AQR: variants seen among roughly 807,000 people sequenced by gnomAD.
AQR encodes aquarius intron-binding spliceosomal factor, also known as RNA helicase aquarius.
A neutral mutation model predicts 180.5 loss-of-function variants in AQR; 61 were observed. That is an observed-to-expected ratio of 0.34 (90% confidence interval 0.28 to 0.42). The LOEUF (loss-of-function observed/expected upper bound fraction) is 0.42, where lower values mean the gene tolerates loss of function less well. Among genes scored for constraint, AQR ranks in the 10% least tolerant of loss-of-function variants. The probability of loss-of-function intolerance (pLI) is 1.00; values close to 1 mark genes in which losing one functional copy is unlikely to be tolerated. For synonymous variants in AQR, 551 were observed against 588.8 expected, an observed-to-expected ratio of 0.94 and a Z score of 0.93; for missense variants, 1,281 against 1,798.3, an observed-to-expected ratio of 0.71 and a Z score of 5.20.
rs35327798 is a variant in AQR, at chr15:34,854,155, GAAAAAAAAA to G, written c.*2628_*2636del. 7.6e-6 allele frequency: 1 copy of G among 130,788 alleles called. No homozygotes were observed. The highest frequency in any genetic ancestry group is 2.4e-4 in the East Asian group (1 of 4,236). The allele number at this position is 130,788 out of a possible 1,614,324, so 8.1% of individuals were successfully genotyped here. A position where few individuals can be genotyped will look rare whatever the true frequency, so the allele number is the denominator to read the frequency against. ...ATGAACTTTCTTAACTCAGAATTTTGAAAAAAAAAAAAAAAAAAGAAGAAGAAATTCTAA... is the reference window on the plus strand; with the variant it reads ...ATGAACTTTCTTAACTCAGAATTTTGAAAAAAAAAGAAGAAGAAATTCTAA... On this transcript the variant is annotated 3_prime_UTR_variant, in exon 35 of 35. Transcript: ENST00000156471.
At chr15:34,954,163 C>T (rs1401166360) in intron 3 of AQR, among the ~76,000 whole-genome samples, 2 of 152,166 alleles carry the variant, frequency 1.3e-5, no homozygotes, top group Non-Finnish European at 2.9e-5. Flanking sequence ...GTGATCCACC[C>T]ACCTCAGCCT....
intron 3 of AQR, among the ~76,000 whole-genome samples, chr15:34,953,848 G>A (rs28444764): frequency 0.05 from 7,590 of 152,280 alleles, 277 homozygotes; most frequent in African/African-American, 0.1. Flanking sequence ...TGGCTCATAA[G>A]ATAGAATACC....
chr15:34,902,784 T>G lies in AQR; in HGVS notation c.2001+1552A>C, dbSNP rs568224322. Among the ~76,000 whole-genome samples, 4 of 152,242 alleles carry G rather than the reference T, an allele frequency of 2.6e-5. No homozygotes were observed. In the East Asian group the frequency reaches 7.7e-4, roughly 29 times the overall value. ...AGGTACTATAAAACTTGGAAACTCT[T>G]AGATTTCTCCATCCTTCGATCACTC... On this transcript the variant is annotated intron_variant, in intron 19 of 34. Transcript: ENST00000156471.
chr15:34,930,404 T>A lies in AQR; in HGVS notation c.901-33A>T. The A allele has an allele frequency of 2.4e-6, 3 of 1,245,642 alleles. No homozygotes were observed. The South Asian group carries it at 3.6e-5, about 15-fold the overall frequency. The allele number at this position is 1,245,642 out of a possible 1,614,324, so 77.2% of individuals were successfully genotyped here. A position where few individuals can be genotyped will look rare whatever the true frequency, so the allele number is the denominator to read the frequency against. ...AACACATTTACATGTATAAATCATA[T>A]GAACATAAGGGCAAGAAAGCACAAT... On this transcript the variant is annotated intron_variant, in intron 11 of 34. Transcript: ENST00000156471.
At chr15:34,963,234 C>T (rs1375357273) in intron 2 of AQR, among the ~76,000 whole-genome samples, 1 of 152,172 alleles carries the variant, frequency 6.6e-6, no homozygotes, top group Non-Finnish European at 1.5e-5. Flanking sequence ...CCTCTTTGAT[C>T]TCCCAAAGCA....
At chr15:34,867,433 A>G in intron 32 of AQR, 91 bp downstream of exon 32, 1 of 1,148,658 alleles carries the variant, frequency 8.7e-7, no homozygotes, top group Non-Finnish European at 1.3e-6. Context: ...GTTTAAACTT[A>G]AAAAATATTT....
At chr15:34,944,224 TC>T in intron 6 of AQR, 63 bp downstream of exon 6, 1 of 1,459,036 alleles carries the variant, frequency 6.9e-7, no homozygotes, top group Non-Finnish European at 9.2e-7. Context: ...GGTAATTTCA[TC>T]TAAACTCAAC....
At chr15:34,948,154 T>C (rs1262796644) in intron 5 of AQR, 110 bp downstream of exon 5, 12 of 1,227,420 alleles carry the variant, frequency 9.8e-6, no homozygotes, top group South Asian at 2.2e-5. Flanking sequence ...TTTGCTTTAT[T>C]ACTGGGTAAA....
chr15:34,870,146 CCT>C (rs1409024509), intron 31 of AQR: 6 of 149,598 alleles, frequency 4.0e-5, no homozygotes, highest in Middle Eastern at 3.4e-3. Flanking sequence ...TAGTTTGTCC[CCT>C]CTTTTTCTCA....
chr15:34,933,946 C>A (rs1002330933), intron 10 of AQR, among the ~76,000 whole-genome samples: 1 of 152,062 alleles, frequency 6.6e-6, no homozygotes, highest in Non-Finnish European at 1.5e-5. Flanking sequence ...TATGGTGAAA[C>A]CCCGTCTCTA....
chr15:34,897,760 C>T (rs1893271044), intron 20 of AQR, 55 bp from the exon 21 acceptor site: 1 of 1,577,852 alleles, frequency 6.3e-7, no homozygotes, highest in Non-Finnish European at 8.7e-7. Flanking sequence ...TTACTGAGTA[C>T]CTATCTGGTG....
chr15:34,899,354 A>AATTT (rs1893295928), intron 20 of AQR, among the ~76,000 whole-genome samples: 1 of 152,036 alleles, frequency 6.6e-6, no homozygotes, highest in African/African-American at 2.4e-5. Flanking sequence ...TGGGTGTATA[A>AATTT]AGGATACGTA....
intron 30 of AQR, among the ~76,000 whole-genome samples, chr15:34,872,540 A>G (rs565929160): frequency 3.3e-5 from 5 of 152,300 alleles, no homozygotes; most frequent in African/African-American, 1.2e-4. Context: ...TATGTAATGA[A>G]AACATCAGTT....
chr15:34,938,765 G>A lies in AQR; in HGVS notation c.690C>T (p.Ile230=). 6.2e-7 allele frequency: 1 copy of A among 1,608,992 alleles called. No individual in the cohort carries two copies. Among genetic ancestry groups the A allele is most frequent in the Non-Finnish European group, 8.5e-7 (1 of 1,176,244 alleles). The change falls in exon 9 of 35, where the codon ATC becomes ATT. Residue 230 remains isoleucine (I), a synonymous_variant. Transcript: ENST00000156471. ...RFLSQLIQKF[I]SVLKSVPLSE... ...AAAGTGGGACTGATTTCAGCACAGA[G>A]ATAAACTTCTGGATGAGTTGTGAAA...
chr15:34,891,888 T>C (rs1296872350), intron 23 of AQR, among the ~76,000 whole-genome samples: 2 of 152,148 alleles, frequency 1.3e-5, no homozygotes, highest in Non-Finnish European at 2.9e-5. Context: ...GTATAACATA[T>C]ATTCAGTATA....
At chr15:34,861,726 C>A (rs1243936965) in intron 33 of AQR, among the ~76,000 whole-genome samples, 1 of 152,152 alleles carries the variant, frequency 6.6e-6, no homozygotes, top group Non-Finnish European at 1.5e-5. Flanking sequence ...ACACTTGAGG[C>A]TTTATGTGAC....
Position 34,915,092 on chromosome 15 carries a change from G to A in AQR, c.1430C>T (p.Ser477Leu). Residue 477 changes from serine (S) to leucine (L), a missense_variant, in exon 16 of 35, where the codon TCA becomes TTA. Ser to Leu is a moderately radical substitution (Grantham distance 145). Around this residue, in one of 9 missense-constraint regions of AQR, gnomAD observed 200 missense variants for 293.4 expected, o/e 0.68. Coordinates refer to ENST00000156471, the MANE Select transcript of AQR (RefSeq NM_014691.3). ...AATGTCCTGACGAATTTCATAAGTT[G>A]ATTCTAAGCGGAAGAGGTTAAAGTT... The part of the protein sequence containing the change: ...LRNFNLFRLE[S>L]TYEIRQDIED... 1 of 1,612,846 alleles carries A rather than the reference G, an allele frequency of 6.2e-7. No homozygotes were observed. Among genetic ancestry groups the A allele is most frequent in the Non-Finnish European group, 8.5e-7 (1 of 1,179,730 alleles).
rs1893833226 is a variant in AQR, at chr15:34,930,331, T to C, written c.941A>G (p.Asn314Ser). 6.2e-7 allele frequency: 1 copy of C among 1,611,092 alleles called. No individual in the cohort carries two copies. The highest frequency in any genetic ancestry group is 8.5e-7 in the Non-Finnish European group (1 of 1,178,046). ...TGTCAGAGCATTTCCAGTTTGGTCA[T>C]TAATTTCAAAACCAGTATAGAATTT... Reference protein sequence around the residue: ...MLKFYTGFEINDQTGNALTEN... With the variant: ...MLKFYTGFEISDQTGNALTEN... Residue 314 changes from asparagine (N) to serine (S), a missense_variant, in exon 12 of 35, where the codon AAT (asparagine) becomes AGT (serine). This residue lies in a region of AQR where 404 missense variants were observed against 490.9 expected (regional missense o/e 0.82). Transcript: ENST00000156471.
At chr15:34,933,352 CA>C (rs1893895863) in intron 10 of AQR, among the ~76,000 whole-genome samples, 1 of 152,100 alleles carries the variant, frequency 6.6e-6, no homozygotes, top group African/African-American at 2.4e-5. Flanking sequence ...GATTTTCTTT[CA>C]ATTTCTCTCA....
Sources: gnomAD v4.1 joint callset for allele counts (sites outside exome capture counted in the v4.1 genomes callset) on GRCh38, gnomAD v4.1.1 for gene constraint, gnomAD v4.1.1 regional missense constraint, MANE v1.5 for transcripts, NCBI Gene and HGNC (gene_info 2026-07-23, HGNC 2026-07-21) for gene names.